Variants in AGBL2 observed in about 807,000 individuals in gnomAD.
The protein encoded by AGBL2 is cytosolic carboxypeptidase 2.
A neutral mutation model predicts 103.0 loss-of-function variants in AGBL2; 87 were observed. That is an observed-to-expected ratio of 0.84 (90% CI 0.71 to 1.01). AGBL2 has a LOEUF of 1.01. AGBL2 is among the 50% of genes least tolerant of loss of function. The probability of loss-of-function intolerance (pLI) is 0.00; values close to 1 mark genes in which losing one functional copy is unlikely to be tolerated. For synonymous variants in AGBL2, 335 were observed against 356.7 expected, an observed-to-expected ratio of 0.94 and a Z score of 0.69; for missense variants, 904 against 1,023.5, an observed-to-expected ratio of 0.88 and a Z score of 1.59.
At chr11:47,669,680 TAA>T (rs78511252) in intron 14 of AGBL2, among the ~76,000 whole-genome samples, 5 of 143,298 alleles carry the variant, frequency 3.5e-5, no homozygotes, top group African/African-American at 7.5e-5. Context: ...GCTGTCTCAA[TAA>T]AAAAAAAAAA....
At chr11:47,664,752 C>T (rs2097336761) in intron 17 of AGBL2, among the ~76,000 whole-genome samples, 1 of 151,836 alleles carries the variant, frequency 6.6e-6, no homozygotes, top group South Asian at 2.1e-4. Context: ...GAGATAGGAT[C>T]TTGCTATGTT....
intron 17 of AGBL2, 131 bp from the exon 18 acceptor site, chr11:47,663,243 G>A: frequency 1.6e-6 from 1 of 623,964 alleles, no homozygotes; most frequent in Non-Finnish European, 2.7e-6. Context: ...AAAAGGACAG[G>A]CAAAACATAA....
chr11:47,700,693 C>T (rs2097495148), intron 7 of AGBL2, among the ~76,000 whole-genome samples: 1 of 152,134 alleles, frequency 6.6e-6, no homozygotes, highest in African/African-American at 2.4e-5. Context: ...ATTCCAAGAG[C>T]ATATAAAGAT....
intron 4 of AGBL2, among the ~76,000 whole-genome samples, chr11:47,708,433 T>C (rs952721293): frequency 4.3e-4 from 65 of 152,190 alleles, no homozygotes; most frequent in African/African-American, 1.5e-3. Context: ...ATGAACCCTT[T>C]GGCATATTTG....
intron 6 of AGBL2, 117 bp from the exon 7 acceptor site, chr11:47,704,845 G>A: frequency 2.7e-6 from 2 of 737,956 alleles, no homozygotes; most frequent in Non-Finnish European, 4.2e-6. Context: ...GCACAGATAT[G>A]TGATTCTCTG....
At chr11:47,699,702 A>C (rs527869271) in intron 7 of AGBL2, 149 bp from the exon 8 acceptor site, 98 of 512,204 alleles carry the variant, frequency 1.9e-4, no homozygotes, top group South Asian at 1.5e-3. Context: ...GCTTGTTTAT[A>C]AAATAATTAT....
chr11:47,686,104 T>A, intron 10 of AGBL2, 55 bp from the exon 11 acceptor site: 1 of 1,554,956 alleles, frequency 6.4e-7, no homozygotes, highest in Non-Finnish European at 8.8e-7. Context: ...TACAAATAAT[T>A]AAGGATCATT....
Position 47,663,083 on chromosome 11 carries a change from G to A in AGBL2, c.2478C>T (p.Thr826=), listed in dbSNP as rs373154382. ...GGGTGGCCATTGATGGGTCCAGGGG[G>A]GTGTCTTTGTCTCTTCTATTTAAAT... ...ETNLNRRDKD[T]PLDPSMATLI... The change falls in exon 18 of 19, where the codon ACC becomes ACT. Residue 826 remains threonine, a synonymous_variant. Coordinates refer to ENST00000525123, the MANE Select transcript of AGBL2 (RefSeq NM_024783.4). 9 of 1,593,350 alleles carry A rather than the reference G, an allele frequency of 5.6e-6. No homozygotes were observed. The highest frequency in any genetic ancestry group is 4.5e-5 in the East Asian group (2 of 44,454).
rs116058295 is a variant in AGBL2 at position 47,710,389 on chromosome 11, C to G, written c.220G>C (p.Glu74Gln). 7.5e-4 allele frequency: 1,204 copies of G among 1,614,048 alleles called. 4 individuals carry two copies. In the African/African-American group the frequency reaches 0.015, roughly 20 times the overall value. The change falls in exon 4 of 19, where the codon GAG becomes CAG. Residue 74 changes from glutamate (E) to glutamine (Q), a missense_variant. By Grantham distance (29) the Glu-to-Gln change is conservative (BLOSUM62 2). Transcript: ENST00000525123. Reference sequence around the variant, plus strand: ...GATTGTTACTCACATAGAAGCTTCTCCTTTTGCAGGGTGTCTGGTATCAAA... The same window carrying G: ...GATTGTTACTCACATAGAAGCTTCTGCTTTTGCAGGGTGTCTGGTATCAAA... ...DDLIPDTLQK[E>Q]KLLWPISLSS... is the part of the protein sequence containing the mutation.
intron 4 of AGBL2, among the ~76,000 whole-genome samples, chr11:47,708,669 C>T: frequency 6.6e-6 from 1 of 151,560 alleles, no homozygotes; most frequent in East Asian, 2.0e-4. Flanking sequence ...CAAAAATTAG[C>T]TGGGCATGGT....
At chr11:47,680,094 G>A (rs377499861) in intron 12 of AGBL2, 21 bp from the exon 13 acceptor site, 22 of 1,335,534 alleles carry the variant, frequency 1.6e-5, no homozygotes, top group South Asian at 1.2e-4. Context: ...AAAAAACCCC[G>A]CAAACATTTC....
At chr11:47,675,523 G>A (rs2097372109) in intron 14 of AGBL2, among the ~76,000 whole-genome samples, 1 of 151,426 alleles carries the variant, frequency 6.6e-6, no homozygotes, top group African/African-American at 2.4e-5. Context: ...CAAGTAGCTG[G>A]GATTACAGGC....
At chr11:47,707,008 G>A (rs2097523000) in intron 4 of AGBL2, among the ~76,000 whole-genome samples, 1 of 136,006 alleles carries the variant, frequency 7.4e-6, no homozygotes, top group South Asian at 2.4e-4. Flanking sequence ...CCAATATGGT[G>A]AAACCCTGTC....
chr11:47,703,143 TTTAA>T (rs1457410330), intron 7 of AGBL2, among the ~76,000 whole-genome samples: 1 of 152,014 alleles, frequency 6.6e-6, no homozygotes, highest in Non-Finnish European at 1.5e-5. Context: ...TAATTTTATA[TTTAA>T]TTAAAAACTG....
At chr11:47,701,963 A>G (rs1158081398) in intron 7 of AGBL2, among the ~76,000 whole-genome samples, 2 of 131,146 alleles carry the variant, frequency 1.5e-5, no homozygotes, top group Non-Finnish European at 3.1e-5. Flanking sequence ...ACAGAGCGAG[A>G]CTCTGTTCTC....
chr11:47,702,029 T>C (rs890733906), intron 7 of AGBL2, among the ~76,000 whole-genome samples: 3 of 150,432 alleles, frequency 2.0e-5, no homozygotes, highest in Non-Finnish European at 4.4e-5. Context: ...TGCACGCCTA[T>C]AGTCCTAGCT....
chr11:47,688,617 T>C (rs1391001694), intron 10 of AGBL2, among the ~76,000 whole-genome samples: 1 of 152,112 alleles, frequency 6.6e-6, no homozygotes, highest in Non-Finnish European at 1.5e-5. Context: ...ATTATCTCAA[T>C]CCTCACAGTA....
rs777996137 is a variant in AGBL2 at position 47,704,654 on chromosome 11, G to T, written c.475C>A (p.Arg159Ser). 6.2e-7 allele frequency: 1 copy of T among 1,614,046 alleles called. No homozygotes were observed. Among genetic ancestry groups the T allele is most frequent in the Admixed American group, 1.7e-5 (1 of 59,984 alleles). The change falls in exon 7 of 19, where the codon CGT becomes AGT. Residue 159 changes from arginine to serine, a missense_variant. Transcript: ENST00000525123. ...LYDELDEVNP[R>S]LREPQELFSI... ...AAGAGCTCTTGGGGTTCTCGAAGAC[G>T]TGGGTTTACTTCATCCAACTCATCA... is the stretch of plus-strand genomic sequence containing the variant.
At chr11:47,675,199 CTTTTTTTTT>C (rs34012734) in intron 14 of AGBL2, among the ~76,000 whole-genome samples, 6 of 58,204 alleles carry the variant, frequency 1.0e-4, no homozygotes, top group African/African-American at 3.3e-4. Context: ...TCCCACCAGT[CTTTTTTTTT>C]TTTTTTTTTT....
Sources: gnomAD v4.1 joint callset for allele counts (sites outside exome capture counted in the v4.1 genomes callset) on GRCh38, gnomAD v4.1.1 for gene constraint, MANE v1.5 for transcripts, NCBI Gene and HGNC (gene_info 2026-07-23, HGNC 2026-07-21) for gene names.